The following TTC6 variants were observed in gnomAD, a reference collection of about 807,000 sequenced individuals.
TTC6 encodes tetratricopeptide repeat protein 6.
TTC6 carries 172 observed loss-of-function variants against 210.4 expected under a neutral mutation model. That is an observed-to-expected ratio of 0.82 (90% CI 0.72 to 0.93). The LOEUF is 0.93. Among genes scored for constraint, TTC6 ranks in the 40% least tolerant of loss-of-function variants. The pLI is 0.00. For missense variants in TTC6, 2,414 were observed against 2,318.1 expected, an observed-to-expected ratio of 1.04 and a Z score of -0.85; for synonymous variants, 804 against 819.6, an observed-to-expected ratio of 0.98 and a Z score of 0.32.
At chr14:37,691,651 C>A (rs928998542) in intron 3 of TTC6, among the ~76,000 whole-genome samples, 3 of 151,886 alleles carry the variant, frequency 2.0e-5, no homozygotes, top group African/African-American at 4.8e-5. Context: ...AAAGAAAGAG[C>A]AAACCAAACC....
exon 1 of TTC6, chr14:37,622,244 C>T (rs1380849189): frequency 6.5e-7 from 1 of 1,535,180 alleles, no homozygotes; most frequent in African/African-American, 1.4e-5. Context: ...CCGGCCCGGC[C>T]CGCCCCGCGC....
chr14:37,832,327 CTCTTTTTTTTTT>C (rs1280912145), intron 29 of TTC6, among the ~76,000 whole-genome samples: 52 of 63,244 alleles, frequency 8.2e-4, no homozygotes, highest in African/African-American at 2.3e-3. Context: ...TTTTCTTTCT[CTCTTTTTTTTTT>C]TTTTTTTTTT....
chr14:37,783,127 G>A (rs1451949163), intron 14 of TTC6, among the ~76,000 whole-genome samples: 2 of 152,154 alleles, frequency 1.3e-5, no homozygotes, highest in African/African-American at 4.8e-5. Flanking sequence ...TTGGTATGAG[G>A]ATGATGCTGG....
intron 1 of TTC6, among the ~76,000 whole-genome samples, chr14:37,627,893 T>C (rs2095663071): frequency 6.6e-6 from 1 of 152,214 alleles, no homozygotes; most frequent in Non-Finnish European, 1.5e-5. Context: ...GTGGTTGAAC[T>C]AATTTACACA....
At chr14:37,664,829 T>G (rs2095744630) in intron 1 of TTC6, among the ~76,000 whole-genome samples, 1 of 150,434 alleles carries the variant, frequency 6.6e-6, no homozygotes, top group Non-Finnish European at 1.5e-5. Flanking sequence ...CATTAAAAAG[T>G]GGGTAAAGGA....
chr14:37,815,555 T>C (rs993594575), intron 25 of TTC6, among the ~76,000 whole-genome samples: 1 of 152,072 alleles, frequency 6.6e-6, no homozygotes, highest in African/African-American at 2.4e-5. Context: ...CCTGCTGTGA[T>C]TGAGATGTAA....
chr14:37,703,224 C>T (rs929641326), intron 5 of TTC6, among the ~76,000 whole-genome samples: 1 of 151,958 alleles, frequency 6.6e-6, no homozygotes, highest in Non-Finnish European at 1.5e-5. Flanking sequence ...ATTATTCACG[C>T]AAAGTGTTAG....
chr14:37,606,058 C>A (rs1210218141), intron 1 of TTC6, among the ~76,000 whole-genome samples: 1 of 151,978 alleles, frequency 6.6e-6, no homozygotes, highest in Non-Finnish European at 1.5e-5. Flanking sequence ...ATGTTAGAAC[C>A]CCGTTGGAGT....
chr14:37,782,955 G>A (rs2096058854), intron 14 of TTC6, among the ~76,000 whole-genome samples: 1 of 152,150 alleles, frequency 6.6e-6, no homozygotes, highest in Non-Finnish European at 1.5e-5. Context: ...TGTTGAATCA[G>A]CCTTGCATCC....
chr14:37,792,218 T>G lies in TTC6; in HGVS notation c.3558-46T>G, dbSNP rs1385898825. The G allele has an allele frequency of 2.2e-6, 3 of 1,383,670 alleles. No individual in the cohort carries two copies. In the East Asian group the frequency reaches 7.6e-5, roughly 35 times the overall value. The allele number at this position is 1,383,670 out of a possible 1,614,324, so 85.7% of individuals were successfully genotyped here. A position where few individuals can be genotyped will look rare whatever the true frequency, so the allele number is the denominator to read the frequency against. On this transcript the variant is annotated intron_variant, in intron 16 of 30. Transcript: ENST00000553443. ...ATTCCTAATTGGAGAACATTTGGAA[T>G]AATTAAAAATGTTTAACAAGATTTC...
chr14:37,689,982 A>C (rs2138607487), intron 3 of TTC6, among the ~76,000 whole-genome samples: 1 of 152,314 alleles, frequency 6.6e-6, no homozygotes, highest in South Asian at 2.1e-4. Flanking sequence ...ATTAACCAAC[A>C]AAAAATAATA....
At chr14:37,754,089 T>G (rs922253622) in intron 14 of TTC6, among the ~76,000 whole-genome samples, 2 of 152,156 alleles carry the variant, frequency 1.3e-5, no homozygotes, top group African/African-American at 4.8e-5. Flanking sequence ...TATTATTTTA[T>G]TTTAGTTTAA....
chr14:37,796,827 T>C (rs775708841), exon 20 of TTC6: 44 of 1,608,922 alleles, frequency 2.7e-5, no homozygotes, highest in Non-Finnish European at 3.7e-5. Context: ...CCCTTATTTA[T>C]TCATTTTGTG....
intron 29 of TTC6, among the ~76,000 whole-genome samples, chr14:37,829,359 GT>G (rs2139008532): frequency 6.6e-6 from 1 of 151,672 alleles, no homozygotes; most frequent in East Asian, 1.9e-4. Context: ...TAACTCCCTG[GT>G]TTTTTATTTT....
chr14:37,795,613 C>T lies in TTC6; in HGVS notation c.3791+261C>T, dbSNP rs193290711. Among the ~76,000 whole-genome samples the T allele has an allele frequency of 7.8e-4, 118 of 152,166 alleles. 1 individual carries two copies. The highest frequency in any genetic ancestry group is 2.6e-3 in the African/African-American group (108 of 41,520). ...TTATGTTCTTTGAGACCTTTTTAAG[C>T]GACTAGTCATATGGTTATCACATAT... On this transcript the variant is annotated intron_variant, in intron 18 of 30. Transcript: ENST00000553443.
In TTC6 at chr14:37,768,910, C is replaced by G. The variant is rs528898662; in HGVS notation, c.3266+15675C>G. 3.3e-3 allele frequency among the ~76,000 whole-genome samples: 491 copies of G among 150,118 alleles called. 1 individual carries two copies. Among genetic ancestry groups the G allele is most frequent in the African/African-American group, 0.01 (413 of 41,240 alleles). ...TCAAAGGGAATGCTTCCAGTTTTTG[C>G]CCATTCAGTATGATATTGGCTGTGG... On this transcript the variant is annotated intron_variant, in intron 14 of 30. Coordinates refer to ENST00000553443, the Ensembl canonical transcript of TTC6.
At chr14:37,828,661 A>T (rs1166568327) in intron 29 of TTC6, among the ~76,000 whole-genome samples, 1 of 151,950 alleles carries the variant, frequency 6.6e-6, no homozygotes, top group East Asian at 1.9e-4. Context: ...AGATGGAAGG[A>T]CATTTATATT....
rs147938618 is a variant in TTC6, at chr14:37,760,255, C to A, written c.3266+7020C>A. Reference sequence around the variant, plus strand: ...GTTAGCTTTTCTTCTAAGAGTCAGGCCCCTGTTCTGTAGGTCTGCTGCAGT... The same window carrying A: ...GTTAGCTTTTCTTCTAAGAGTCAGGACCCTGTTCTGTAGGTCTGCTGCAGT... On this transcript the variant is annotated intron_variant, in intron 14 of 30. Transcript: ENST00000553443. Among the ~76,000 whole-genome samples the A allele has an allele frequency of 7.2e-5, 11 of 152,186 alleles. No homozygotes were observed. In the East Asian group the frequency reaches 2.1e-3, roughly 29 times the overall value.
chr14:37,671,257 G>T (rs897980717), intron 1 of TTC6, among the ~76,000 whole-genome samples: 2 of 152,082 alleles, frequency 1.3e-5, no homozygotes, highest in African/African-American at 4.8e-5. Flanking sequence ...ATGGCAGATG[G>T]CTTCCCCTAG....
Sources: gnomAD v4.1 joint callset for allele counts (sites outside exome capture counted in the v4.1 genomes callset) on GRCh38, gnomAD v4.1.1 for gene constraint, MANE v1.5 for transcripts, NCBI Gene and HGNC (gene_info 2026-07-23, HGNC 2026-07-21) for gene names.